Variants in ZFAND4 observed in about 807,000 individuals in gnomAD.
ZFAND4 encodes AN1-type zinc finger protein 4.
ZFAND4 carries 43 observed loss-of-function variants against 64.4 expected under a neutral mutation model. That is an observed-to-expected ratio of 0.67 (90% CI 0.52 to 0.86). ZFAND4 has a LOEUF of 0.86. ZFAND4 is among the 40% of genes least tolerant of loss of function. The probability of loss-of-function intolerance (pLI) is 0.00; values close to 1 mark genes in which losing one functional copy is unlikely to be tolerated. For synonymous variants in ZFAND4, 296 were observed against 305.7 expected (o/e 0.97, Z 0.33); for missense variants, 929 against 859.8 (o/e 1.08, Z -1.01).
rs2045850371 is a variant in ZFAND4 at position 45,626,640 on chromosome 10, G to A, written c.1183C>T (p.Leu395=). The A allele has an allele frequency of 1.2e-6, 2 of 1,614,120 alleles. No individual in the cohort carries two copies. Among genetic ancestry groups the A allele is most frequent in the Admixed American group, 3.3e-5 (2 of 60,006 alleles). The change falls in exon 7 of 10, where the codon CTA becomes TTA. Residue 395 remains leucine (L), a synonymous_variant. Transcript: ENST00000344646. ...GAAGCCAGTGAGCCCACTTTAGGTA[G>A]AAGTGATTGTTCGGTTACACATTCT... ...SEECVTEQSL[L]PKVGSLASFA...
intron 2 of ZFAND4, among the ~76,000 whole-genome samples, chr10:45,653,955 T>C (rs1163133238): frequency 6.6e-6 from 1 of 152,168 alleles, no homozygotes; most frequent in Non-Finnish European, 1.5e-5. Context: ...AAATAAAATG[T>C]GGTGCATATA....
At chr10:45,669,514 T>G (rs2049043021) in intron 1 of ZFAND4, among the ~76,000 whole-genome samples, 1 of 152,172 alleles carries the variant, frequency 6.6e-6, no homozygotes, top group Non-Finnish European at 1.5e-5. Flanking sequence ...GAGGGAATCC[T>G]CCCTAACTCA....
intron 1 of ZFAND4, among the ~76,000 whole-genome samples, chr10:45,664,694 G>A (rs1171623829): frequency 6.6e-6 from 1 of 152,028 alleles, no homozygotes; most frequent in Non-Finnish European, 1.5e-5. Flanking sequence ...GGGAGGCCGA[G>A]ATGGCAGATC....
chr10:45,660,094 A>G (rs1352703908), intron 2 of ZFAND4, among the ~76,000 whole-genome samples: 1 of 150,934 alleles, frequency 6.6e-6, no homozygotes, highest in Non-Finnish European at 1.5e-5. Flanking sequence ...CCCAGGAGGC[A>G]GAGCTTGCAG....
chr10:45,654,462 T>C (rs952224363), intron 2 of ZFAND4, among the ~76,000 whole-genome samples: 2 of 151,868 alleles, frequency 1.3e-5, no homozygotes, highest in Non-Finnish European at 1.5e-5. Context: ...CTACTAAAAA[T>C]ACAAAAATTA....
At chr10:45,629,535 A>G (rs182779323) in intron 6 of ZFAND4, among the ~76,000 whole-genome samples, 2 of 152,306 alleles carry the variant, frequency 1.3e-5, no homozygotes, top group East Asian at 3.9e-4. Context: ...CACAAATCAG[A>G]AAACATACTG....
chr10:45,668,725 T>G (rs113880294), intron 1 of ZFAND4, among the ~76,000 whole-genome samples: 9,957 of 152,160 alleles, frequency 0.065, 464 homozygotes, highest in African/African-American at 0.13. Context: ...AATCAAATTA[T>G]AACTCAGGAT....
rs370008256 is a variant in ZFAND4 at position 45,639,976 on chromosome 10, C to T, written c.570-13G>A. On this transcript the variant is annotated splice_polypyrimidine_tract_variant and intron_variant, in intron 5 of 9. Coordinates refer to ENST00000344646, the MANE Select transcript of ZFAND4 (RefSeq NM_174890.4). ...CATAGAACCACCACTGCAAAGAAAA[C>T]AATAACTACTTGAAATTTTTCTGAT... is the stretch of plus-strand genomic sequence containing the variant. The T allele has an allele frequency of 1.4e-5, 22 of 1,593,486 alleles. No homozygotes were observed. The African/African-American group carries it at 2.9e-4, about 21-fold the overall frequency.
chr10:45,633,637 T>C (rs1014197567), intron 6 of ZFAND4, among the ~76,000 whole-genome samples: 1 of 151,696 alleles, frequency 6.6e-6, no homozygotes, highest in African/African-American at 2.4e-5. Flanking sequence ...CCAACTAAAA[T>C]TGCAAATTTT....
intron 2 of ZFAND4, among the ~76,000 whole-genome samples, chr10:45,653,712 G>A (rs2047911648): frequency 6.6e-6 from 1 of 152,176 alleles, no homozygotes. Flanking sequence ...CGCATACACT[G>A]CTGGTGGGAA....
intron 8 of ZFAND4, among the ~76,000 whole-genome samples, chr10:45,622,073 G>A (rs961142411): frequency 1.3e-5 from 2 of 152,152 alleles, no homozygotes; most frequent in Admixed American, 1.3e-4. Flanking sequence ...ACAGAGTTAT[G>A]TGTCAACGAA....
intron 8 of ZFAND4, among the ~76,000 whole-genome samples, chr10:45,622,842 G>A (rs1054984097): frequency 1.3e-5 from 2 of 152,064 alleles, no homozygotes; most frequent in Admixed American, 1.3e-4. Flanking sequence ...GTCTGTCCAT[G>A]TACTGCCTGA....
At chr10:45,650,582 T>G (rs1461610055) in intron 4 of ZFAND4, 1 of 152,008 alleles carries the variant, frequency 6.6e-6, no homozygotes, top group Non-Finnish European at 1.5e-5. Context: ...CATAAACATA[T>G]AAAATAATTT....
intron 2 of ZFAND4, chr10:45,662,670 G>A (rs1393385067): frequency 2.0e-6 from 2 of 985,214 alleles, no homozygotes; most frequent in Non-Finnish European, 1.2e-6. Context: ...ACTTCAGTAG[G>A]ATCTCCTGGG....
chr10:45,657,094 A>G (rs185090148), intron 2 of ZFAND4, among the ~76,000 whole-genome samples: 10 of 151,738 alleles, frequency 6.6e-5, no homozygotes, highest in Admixed American at 5.3e-4. Flanking sequence ...GCTCACTGCA[A>G]TCTCCATGTC....
At chr10:45,645,436 A>G (rs1451131601) in intron 5 of ZFAND4, among the ~76,000 whole-genome samples, 1 of 152,166 alleles carries the variant, frequency 6.6e-6, no homozygotes, top group East Asian at 1.9e-4. Flanking sequence ...TACTGGTAAT[A>G]AAGTTTTATT....
rs958574878 is a variant in ZFAND4 at position 45,672,746 on chromosome 10, A to C, written c.-614T>G. ...ACAGGGCCCAACGACCCGGCGAGCA[A>C]CTTCACGGAAGGCACTGGCCGACAA... On this transcript the variant is annotated 5_prime_UTR_variant, in exon 1 of 10. Coordinates refer to ENST00000344646, the MANE Select transcript of ZFAND4 (RefSeq NM_174890.4). The C allele has an allele frequency of 6.6e-6, 1 of 152,236 alleles. No homozygotes were observed. The highest frequency in any genetic ancestry group is 1.5e-5 in the Non-Finnish European group (1 of 68,092). 9.4% of individuals were successfully genotyped at this position (152,236 alleles called of 1,614,324 possible). A position where few individuals can be genotyped will look rare whatever the true frequency, so the allele number is the denominator to read the frequency against.
chr10:45,625,059 C>G (rs2045699039), intron 7 of ZFAND4, among the ~76,000 whole-genome samples: 1 of 151,702 alleles, frequency 6.6e-6, no homozygotes, highest in Non-Finnish European at 1.5e-5. Flanking sequence ...TGCCTGTAGT[C>G]CCAGGGACTC....
chr10:45,639,590 C>T (rs1020582998), intron 6 of ZFAND4: 5 of 319,156 alleles, frequency 1.6e-5, no homozygotes, highest in African/African-American at 1.1e-4. Flanking sequence ...TTCTTAGACC[C>T]AGAATGATCT....
Sources: allele counts gnomAD v4.1 joint callset (sites outside exome capture counted in the v4.1 genomes callset), GRCh38; gene constraint gnomAD v4.1.1; transcripts MANE v1.5; gene names NCBI Gene and HGNC (gene_info 2026-07-23, HGNC 2026-07-21).